Variants in LIN28B observed in about 807,000 individuals in gnomAD.
The protein encoded by LIN28B is lin-28 RNA binding posttranscriptional regulator B, also known as protein lin-28 homolog B.
Under a neutral mutation model 21.9 loss-of-function variants are expected in LIN28B, and 5 were observed. That is an observed-to-expected ratio of 0.23 (90% CI 0.12 to 0.48). LIN28B has a LOEUF of 0.48. Ranked by LOEUF, LIN28B falls within the 20% of genes least tolerant of loss-of-function variation. The pLI is 0.98. For missense variants in LIN28B, 245 were observed against 310.5 expected (o/e 0.79, Z 1.58); for synonymous variants, 109 against 111.3 (o/e 0.98, Z 0.13).
intron 2 of LIN28B, among the ~76,000 whole-genome samples, chr6:104,985,863 G>C (rs1011564259): frequency 6.6e-6 from 1 of 152,152 alleles, no homozygotes; most frequent in East Asian, 1.9e-4. Flanking sequence ...TGTCTTATGA[G>C]TATTCAGTTG....
chr6:105,073,683 T>G (rs1772373501), intron 3 of LIN28B, among the ~76,000 whole-genome samples: 1 of 152,178 alleles, frequency 6.6e-6, no homozygotes, highest in Non-Finnish European at 1.5e-5. Flanking sequence ...AAGATACATT[T>G]TTTTCCATTA....
At chr6:104,955,777 T>G (rs1582861858), upstream of LIN28B, among the ~76,000 whole-genome samples, 3 of 140,702 alleles carry the variant, frequency 2.1e-5, no homozygotes, top group African/African-American at 7.8e-5. Context: ...AAATGGGGGG[T>G]GGGGTAGGCA....
At chr6:105,048,900 T>C (rs1771830700) in intron 3 of LIN28B, among the ~76,000 whole-genome samples, 1 of 152,194 alleles carries the variant, frequency 6.6e-6, no homozygotes, top group Admixed American at 6.5e-5. Context: ...ATTTGATTCT[T>C]CTCTCTTTTC....
rs558367110 is a variant in LIN28B, at chr6:105,050,324, T to C, written c.383+23842T>C. Among the ~76,000 whole-genome samples the C allele has an allele frequency of 1.3e-3, 199 of 151,946 alleles. 2 individuals are homozygous for C. Among genetic ancestry groups the C allele is most frequent in the African/African-American group, 4.6e-3 (189 of 41,416 alleles). ...TTCTTTTCTTTAAGAATGTTGAGGC[T>C]GGGCGCGGTGGCTCACGCCTGTAAT... is the stretch of plus-strand genomic sequence containing the variant. On this transcript the variant is annotated intron_variant, in intron 3 of 3. Transcript: ENST00000345080.
intron 2 of LIN28B, among the ~76,000 whole-genome samples, chr6:105,013,597 G>A (rs1054574679): frequency 6.6e-6 from 1 of 151,766 alleles, no homozygotes; most frequent in African/African-American, 2.4e-5. Context: ...CGGTGTGGTG[G>A]CATGTGCCTG....
intron 2 of LIN28B, among the ~76,000 whole-genome samples, chr6:105,019,933 T>G (rs1293291254): frequency 6.6e-6 from 1 of 152,090 alleles, no homozygotes; most frequent in Admixed American, 6.5e-5. Context: ...ATACTCTGAT[T>G]TCTAAGGAGA....
At position 105,078,460 on chromosome 6, in the gene LIN28B, C is replaced by A; in HGVS notation, c.430C>A (p.Leu144Ile). The change falls in exon 4 of 4, where the codon CTA (leucine) becomes ATA (isoleucine). Residue 144 changes from leucine to isoleucine, a missense_variant. Coordinates refer to ENST00000345080, the MANE Select transcript of LIN28B (RefSeq NM_001004317.4). ...TGATCATCATGCTAAGGAATGTAGT[C>A]TACCTCCTCAGCCAAAGAAGTGCCA... ...GLDHHAKECS[L>I]PPQPKKCHYC... is the part of the protein sequence containing the mutation. 6.2e-7 allele frequency: 1 copy of A among 1,613,652 alleles called. No homozygotes were observed. The highest frequency in any genetic ancestry group is 1.1e-5 in the South Asian group (1 of 91,058).
At chr6:104,969,243 T>A (rs985724825) in intron 2 of LIN28B, among the ~76,000 whole-genome samples, 57 of 152,270 alleles carry the variant, frequency 3.7e-4, no homozygotes, top group African/African-American at 1.3e-3. Flanking sequence ...TAAGGACACT[T>A]GGATTTGCAT....
chr6:104,947,306 G>A (rs988308595), intron 2 of LIN28B, among the ~76,000 whole-genome samples: 1 of 152,032 alleles, frequency 6.6e-6, no homozygotes, highest in African/African-American at 2.4e-5. Flanking sequence ...TGTATTTTTA[G>A]TAGAGATGGG....
chr6:105,025,015 C>T (rs1480418152), intron 2 of LIN28B, among the ~76,000 whole-genome samples: 2 of 152,074 alleles, frequency 1.3e-5, no homozygotes, highest in South Asian at 2.1e-4. Context: ...ATGAGTCTCT[C>T]ACAGAGAAAC....
At chr6:105,033,498 T>C (rs1562100188) in intron 3 of LIN28B, among the ~76,000 whole-genome samples, 1 of 152,110 alleles carries the variant, frequency 6.6e-6, no homozygotes, top group African/African-American at 2.4e-5. Flanking sequence ...AAAATTCTGC[T>C]TAATTTAGCG....
chr6:105,050,032 G>T (rs1771864070), intron 3 of LIN28B, among the ~76,000 whole-genome samples: 1 of 152,096 alleles, frequency 6.6e-6, no homozygotes, highest in African/African-American at 2.4e-5. Context: ...GTGTGGTTTT[G>T]ATCCTGTCAT....
At chr6:105,050,963 C>T (rs1186720623) in intron 3 of LIN28B, among the ~76,000 whole-genome samples, 2 of 151,090 alleles carry the variant, frequency 1.3e-5, no homozygotes, top group African/African-American at 4.9e-5. Flanking sequence ...GGCTGTAATC[C>T]CAGCACTTTG....
intron 2 of LIN28B, among the ~76,000 whole-genome samples, chr6:104,945,139 A>G (rs1045104414): frequency 3.3e-5 from 5 of 152,126 alleles, no homozygotes; most frequent in African/African-American, 1.2e-4. Flanking sequence ...TAAAAAATAG[A>G]CATTTTGTGG....
intron 2 of LIN28B, among the ~76,000 whole-genome samples, chr6:104,979,498 G>A (rs1232476165): frequency 2.0e-5 from 3 of 151,828 alleles, no homozygotes; most frequent in East Asian, 1.9e-4. Context: ...GTGAGACACC[G>A]TGCCCAGCCA....
intron 2 of LIN28B, among the ~76,000 whole-genome samples, chr6:105,009,319 A>G (rs753606426): frequency 6.6e-6 from 1 of 152,186 alleles, no homozygotes; most frequent in East Asian, 1.9e-4. Flanking sequence ...ATTTAAAAAT[A>G]TAAATTCAAA....
chr6:104,971,335 C>A (rs1350134386), intron 2 of LIN28B, among the ~76,000 whole-genome samples: 3 of 151,796 alleles, frequency 2.0e-5, no homozygotes, highest in Non-Finnish European at 4.4e-5. Context: ...ATAAAAAATT[C>A]TTCCTTAAAT....
intron 2 of LIN28B, among the ~76,000 whole-genome samples, chr6:104,978,084 C>G (rs949453590): frequency 2.0e-5 from 3 of 152,232 alleles, no homozygotes; most frequent in Non-Finnish European, 4.4e-5. Context: ...TAATACCACT[C>G]TTACATATTC....
chr6:104,958,022 G>T, intron 1 of LIN28B, 77 bp from the exon 2 acceptor site: 1 of 1,070,534 alleles, frequency 9.3e-7, no homozygotes, highest in South Asian at 3.1e-5. Flanking sequence ...CCCCAGGCAG[G>T]CAATTTTTTT....
Sources: gnomAD v4.1 joint callset for allele counts (sites outside exome capture counted in the v4.1 genomes callset) on GRCh38, gnomAD v4.1.1 for gene constraint, MANE v1.5 for transcripts, NCBI Gene and HGNC (gene_info 2026-07-23, HGNC 2026-07-21) for gene names.